The following KCTD1 variants were observed in gnomAD, a reference collection of about 807,000 sequenced individuals.
The protein encoded by KCTD1 is BTB/POZ domain-containing protein KCTD1.
A neutral mutation model predicts 66.0 loss-of-function variants in KCTD1; 24 were observed. That is an observed-to-expected ratio of 0.36 (90% confidence interval 0.26 to 0.51). The LOEUF (loss-of-function observed/expected upper bound fraction) is 0.51. Ranked by LOEUF, KCTD1 falls within the 20% of genes least tolerant of loss-of-function variation. The pLI is 0.95. For synonymous variants in KCTD1, 511 were observed against 517.2 expected (o/e 0.99, Z 0.16); for missense variants, 943 against 1,205.2 (o/e 0.78, Z 3.22).
chr18:26,520,666 C>T (rs569157126), intron 1 of KCTD1, among the ~76,000 whole-genome samples: 36 of 152,296 alleles, frequency 2.4e-4, no homozygotes, highest in Admixed American at 1.1e-3. Flanking sequence ...GCTAAAAAGA[C>T]GGTGTCAGCT....
chr18:26,627,581 T>TC (rs1173206751), intron 1 of KCTD1, among the ~76,000 whole-genome samples: 2 of 152,176 alleles, frequency 1.3e-5, no homozygotes, highest in Non-Finnish European at 2.9e-5. Context: ...GGAACCTGGG[T>TC]CCTCTAAGGA....
intron 1 of KCTD1, among the ~76,000 whole-genome samples, chr18:26,503,465 C>A (rs890265841): frequency 6.6e-6 from 1 of 152,102 alleles, no homozygotes; most frequent in Admixed American, 6.6e-5. Context: ...GTACTGACTT[C>A]CTGTTAGAAA....
intron 1 of KCTD1, among the ~76,000 whole-genome samples, chr18:26,582,609 A>G (rs1986380417): frequency 6.6e-6 from 1 of 152,346 alleles, no homozygotes; most frequent in African/African-American, 2.4e-5. Context: ...TTATTGAGAC[A>G]TTGCTTACAA....
At chr18:26,618,922 G>A (rs1480286156) in intron 1 of KCTD1, among the ~76,000 whole-genome samples, 2 of 152,210 alleles carry the variant, frequency 1.3e-5, no homozygotes, top group Admixed American at 6.5e-5. Context: ...GTAAGAATAA[G>A]TAGTTGGCAT....
intron 1 of KCTD1, among the ~76,000 whole-genome samples, chr18:26,513,233 G>A (rs1395498538): frequency 2.6e-5 from 4 of 151,742 alleles, no homozygotes; most frequent in South Asian, 4.2e-4. Flanking sequence ...GACTACAGGC[G>A]CCCGCAACCA....
At position 26,604,390 on chromosome 18, in the gene KCTD1, C is replaced by T. The variant is rs191079012; in HGVS notation, c.-16+24757G>A. ...GCTAAAAGCAGAACTACCATTTGAC[C>T]CAGCAATCCCATTACTGGGTATATA... On this transcript the variant is annotated intron_variant, in intron 1 of 4. Transcript: ENST00000317932. Among the ~76,000 whole-genome samples the T allele has an allele frequency of 1.6e-4, 25 of 152,268 alleles. No individual in the cohort carries two copies. In the East Asian group the frequency reaches 4.8e-3, roughly 29 times the overall value.
chr18:26,655,594 G>A (rs1988115785), intron 1 of KCTD1: 1 of 152,224 alleles, frequency 6.6e-6, no homozygotes, highest in East Asian at 1.9e-4. Flanking sequence ...GTGCCACTGG[G>A]ATCCTGGACA....
chr18:26,613,945 C>A (rs1270324919), intron 1 of KCTD1, among the ~76,000 whole-genome samples: 1 of 152,188 alleles, frequency 6.6e-6, no homozygotes, highest in Non-Finnish European at 1.5e-5. Flanking sequence ...ATTTTCTGAG[C>A]AAGGCCTTCC....
chr18:26,476,390 T>G lies in KCTD1; in HGVS notation c.2133+125A>C, dbSNP rs758418115. ...ACTATTTCATGAATAGTGAACCATG[T>G]CAAAGAGAACTCTGGCACCTTTCGA... On this transcript the variant is annotated intron_variant, in intron 3 of 4. Transcript: ENST00000580059. The surrounding 1 kb of genome is among the most constrained non-coding windows in gnomAD (Gnocchi z 4.9). The G allele has an allele frequency of 2.7e-5, 23 of 843,058 alleles. No homozygotes were observed. The highest frequency in any genetic ancestry group is 3.9e-5 in the Non-Finnish European group (22 of 565,622). 52.2% of individuals were successfully genotyped at this position (843,058 alleles called of 1,614,324 possible).
intron 1 of KCTD1, among the ~76,000 whole-genome samples, chr18:26,645,680 G>A (rs1987915610): frequency 6.6e-6 from 1 of 152,176 alleles, no homozygotes. Context: ...TTACAGGCAT[G>A]AGCTGCCGTG....
chr18:26,641,247 AC>A (rs1987828219), upstream of KCTD1, among the ~76,000 whole-genome samples: 2 of 152,164 alleles, frequency 1.3e-5, no homozygotes, highest in African/African-American at 4.8e-5. Flanking sequence ...AAGATTCCAA[AC>A]ATCTGGGGGC....
At chr18:26,579,173 A>G (rs1051673163) in intron 1 of KCTD1, among the ~76,000 whole-genome samples, 1 of 152,168 alleles carries the variant, frequency 6.6e-6, no homozygotes, top group Non-Finnish European at 1.5e-5. Flanking sequence ...AGCTGGGCAC[A>G]CAGTCAGTGC....
chr18:26,651,486 T>C (rs576947607), intron 1 of KCTD1, among the ~76,000 whole-genome samples: 3 of 152,154 alleles, frequency 2.0e-5, no homozygotes, highest in African/African-American at 7.2e-5. Context: ...CTGAGATCTA[T>C]TTAGAAGGTA....
chr18:26,574,880 T>C (rs1045709132), intron 1 of KCTD1, among the ~76,000 whole-genome samples: 2 of 152,168 alleles, frequency 1.3e-5, no homozygotes, highest in African/African-American at 4.8e-5. Context: ...AGAAACAAGT[T>C]TGGCTAGGAC....
At chr18:26,589,559 A>G (rs1986549109) in intron 1 of KCTD1, among the ~76,000 whole-genome samples, 1 of 152,208 alleles carries the variant, frequency 6.6e-6, no homozygotes, top group African/African-American at 2.4e-5. Context: ...AAGGGTTATC[A>G]AAGACATCAC....
chr18:26,500,032 C>A (rs938971404), intron 2 of KCTD1, among the ~76,000 whole-genome samples: 1 of 152,156 alleles, frequency 6.6e-6, no homozygotes, highest in Admixed American at 6.5e-5. Context: ...GTAATCCCAG[C>A]GCTTTGGCCA....
upstream of KCTD1, chr18:26,548,701 G>T: frequency 1.1e-6 from 1 of 938,042 alleles, no homozygotes; most frequent in Non-Finnish European, 1.3e-6. Flanking sequence ...CGGAGGGGCA[G>T]CGGCGCGCAG....
At chr18:26,642,263 T>G (rs1261220715), upstream of KCTD1, among the ~76,000 whole-genome samples, 1 of 152,170 alleles carries the variant, frequency 6.6e-6, no homozygotes, top group Non-Finnish European at 1.5e-5. Context: ...TGTCTTATCT[T>G]CTCTCCTTAG....
At chr18:26,643,778 C>T (rs913272884), upstream of KCTD1, among the ~76,000 whole-genome samples, 17 of 152,072 alleles carry the variant, frequency 1.1e-4, no homozygotes, top group South Asian at 2.1e-4. Flanking sequence ...CTGGCTAACA[C>T]GATGAAACCC....
Sources: gnomAD v4.1 joint callset for allele counts (sites outside exome capture counted in the v4.1 genomes callset) on GRCh38, gnomAD v4.1.1 for gene constraint, Gnocchi (gnomAD v3.1) non-coding constraint, MANE v1.5 for transcripts, NCBI Gene and HGNC (gene_info 2026-07-23, HGNC 2026-07-21) for gene names.